DONSON: variants seen among roughly 807,000 people sequenced by gnomAD.
DONSON encodes the protein protein downstream neighbor of Son.
A neutral mutation model predicts 62.1 loss-of-function variants in DONSON; 43 were observed. The ratio of observed to expected loss-of-function variants is 0.69; its 90% CI spans 0.54 to 0.89. DONSON has a LOEUF of 0.89. Among genes scored for constraint, DONSON ranks in the 40% least tolerant of loss-of-function variants. DONSON has a pLI of 0.00. For missense variants in DONSON, 696 were observed against 697.5 expected (o/e 1.00, Z 0.03); for synonymous variants, 266 against 264.6 (o/e 1.01, Z -0.05).
At chr21:33,581,038 C>A in intron 8 of DONSON, 1 of 314,614 alleles carries the variant, frequency 3.2e-6, no homozygotes, top group Non-Finnish European at 6.0e-6. Flanking sequence ...GAGATCACGC[C>A]ACTGCACTCC....
chr21:33,578,456 TGTGTAC>T lies in DONSON; in HGVS notation c.1564-18_1564-13del. 1 of 1,610,300 alleles carries T rather than the reference TGTGTAC, an allele frequency of 6.2e-7. No homozygotes were observed. The highest frequency in any genetic ancestry group is 8.5e-7 in the Non-Finnish European group (1 of 1,178,024). On this transcript the variant is annotated splice_polypyrimidine_tract_variant and intron_variant, in intron 9 of 9. Coordinates refer to ENST00000303071, the MANE Select transcript of DONSON (RefSeq NM_017613.4). ...TTATGAACAACCTCCTGTGGAAATG[TGTGTAC>T]AAGTCAGTAAAAAGCACATTAGTCT...
intron 9 of DONSON, among the ~76,000 whole-genome samples, 196 bp from the exon 10 acceptor site, chr21:33,578,640 G>A (rs1029834362): frequency 3.3e-5 from 5 of 152,200 alleles, no homozygotes; most frequent in African/African-American, 1.2e-4. Flanking sequence ...CAACTGAGAT[G>A]CATGAGACAA....
Position 33,584,666 on chromosome 21 carries a change from C to T in DONSON, c.709G>A (p.Ala237Thr). 1.2e-6 allele frequency: 2 copies of T among 1,613,318 alleles called. No homozygotes were observed. Among genetic ancestry groups the T allele is most frequent in the East Asian group, 2.2e-5 (1 of 44,868 alleles). The change falls in exon 4 of 10, where the codon GCT (alanine) becomes ACT (threonine). Residue 237 changes from alanine (A) to threonine (T), a missense_variant. Ala to Thr is a moderately conservative substitution (Grantham distance 58). Coordinates refer to ENST00000303071, the MANE Select transcript of DONSON (RefSeq NM_017613.4). ...SWLPLFPRIG[A>T]DRKMAGKTSP... ...GTCTTTCCAGCCATTTTTCTATCAGCTCCAATACGAGGGAACAGTGGTAGC... is the reference window on the plus strand; with the variant it reads ...GTCTTTCCAGCCATTTTTCTATCAGTTCCAATACGAGGGAACAGTGGTAGC...
chr21:33,586,625 A>G (rs2086580267), intron 2 of DONSON, among the ~76,000 whole-genome samples: 2 of 152,046 alleles, frequency 1.3e-5, no homozygotes, highest in South Asian at 4.1e-4. Flanking sequence ...CGTTCTCCAC[A>G]ATACAAGAAT....
chr21:33,587,644 G>T (rs2086593405), intron 1 of DONSON, 42 bp from the exon 2 acceptor site: 5 of 1,411,236 alleles, frequency 3.5e-6, no homozygotes, highest in Non-Finnish European at 4.9e-6. Context: ...AAAGGATGCT[G>T]AAGTTTGCGT....
In DONSON at chr21:33,580,527, T is replaced by C. The variant is rs111441999; in HGVS notation, c.1350+775A>G. On this transcript the variant is annotated intron_variant, in intron 8 of 9. Transcript: ENST00000303071. ...AAAGCAGGGCATGGCAGTCCTGTGG[T>C]CCGATACTCGAGAGGCTGAGGCAGG... Among the ~76,000 whole-genome samples the C allele has an allele frequency of 6.6e-3, 769 of 116,066 alleles. 11 individuals carry two copies. Among genetic ancestry groups the C allele is most frequent in the African/African-American group, 0.025 (744 of 30,164 alleles). 76.1% of individuals were successfully genotyped at this position (116,066 alleles called of 152,430 possible).
intron 4 of DONSON, 112 bp from the exon 5 acceptor site, chr21:33,583,778 A>T (rs2086544838): frequency 1.1e-6 from 1 of 920,838 alleles, no homozygotes; most frequent in African/African-American, 1.7e-5. Flanking sequence ...AATATTTTAG[A>T]TAATGGTTTT....
chr21:33,581,295 T>C lies in DONSON; in HGVS notation c.1350+7A>G, dbSNP rs376502126. On this transcript the variant is annotated splice_region_variant and intron_variant, in intron 8 of 9. Coordinates refer to ENST00000303071, the MANE Select transcript of DONSON (RefSeq NM_017613.4). ...CTTAAAAGCTAGGTTATGCAGACTT[T>C]TATTACCTTAAGCATTTGCATTGTG... 6.2e-7 allele frequency: 1 copy of C among 1,613,536 alleles called. No individual in the cohort carries two copies. Among genetic ancestry groups the C allele is most frequent in the East Asian group, 2.2e-5 (1 of 44,878 alleles).
At position 33,577,976 on chromosome 21, in the gene DONSON, A is replaced by G. The variant is rs753730801; in HGVS notation, c.*331T>C. 2.1e-4 allele frequency: 38 copies of G among 177,986 alleles called. No homozygotes were observed. Among genetic ancestry groups the G allele is most frequent in the Non-Finnish European group, 3.2e-4 (27 of 85,504 alleles). 11.0% of individuals were successfully genotyped at this position (177,986 alleles called of 1,614,324 possible). ...GCTAACAGGTAAATCGTAAAGTAAC[A>G]TATTTTTGCCCTGATGCCATTAGTC... On this transcript the variant is annotated 3_prime_UTR_variant, in exon 10 of 10. Transcript: ENST00000303071.
At chr21:33,579,612 T>C (rs771694552) in intron 8 of DONSON, 50 bp from the exon 9 acceptor site, 35 of 1,499,554 alleles carry the variant, frequency 2.3e-5, no homozygotes, top group Non-Finnish European at 2.9e-5. Context: ...TCTCAACCTT[T>C]TGCCTAGCCA....
At chr21:33,585,744 T>C (rs1485953973) in intron 3 of DONSON, among the ~76,000 whole-genome samples, 1 of 151,850 alleles carries the variant, frequency 6.6e-6, no homozygotes, top group African/African-American at 2.4e-5. Flanking sequence ...GCAACACTGA[T>C]TAATTTGCAA....
chr21:33,588,636 G>T lies in DONSON; in HGVS notation c.6C>A (p.Ala2=). 8.1e-7 allele frequency: 1 copy of T among 1,234,740 alleles called. No individual in the cohort carries two copies. Among genetic ancestry groups the T allele is most frequent in the South Asian group, 3.6e-5 (1 of 27,804 alleles). The allele number at this position is 1,234,740 out of a possible 1,614,324, so 76.5% of individuals were successfully genotyped here. The stretch of plus-strand genomic sequence containing the variant: ...CCGGTGAGTAGCCGGGCACCGAAAG[G>T]GCCATGACGCGCGGCGGCTGAGGGT... M[A]LSVPGYSPGF... The change falls in exon 1 of 10, where the codon GCC becomes GCA. Residue 2 remains alanine, a synonymous_variant. Coordinates refer to ENST00000303071, the MANE Select transcript of DONSON (RefSeq NM_017613.4).
At chr21:33,584,014 TTATATATATATATA>T (rs57309977) in intron 4 of DONSON, among the ~76,000 whole-genome samples, 9 of 121,554 alleles carry the variant, frequency 7.4e-5, no homozygotes, top group South Asian at 5.2e-4. Flanking sequence ...GGCTGCGTGT[TTATATATATATATA>T]TATATATATA....
chr21:33,585,515 C>T (rs969374699), intron 3 of DONSON, among the ~76,000 whole-genome samples: 3 of 151,708 alleles, frequency 2.0e-5, no homozygotes, highest in African/African-American at 7.3e-5. Flanking sequence ...GCCCAGCCTC[C>T]TAGTTTTGAG....
chr21:33,581,892 C>G, intron 7 of DONSON, 59 bp downstream of exon 7: 1 of 1,483,716 alleles, frequency 6.7e-7, no homozygotes, highest in Non-Finnish European at 9.4e-7. Flanking sequence ...CAATGTTAAA[C>G]TTCTCACTAA....
intron 7 of DONSON, 34 bp downstream of exon 7, chr21:33,581,917 A>G (rs761176308): frequency 6.3e-7 from 1 of 1,584,672 alleles, no homozygotes; most frequent in Non-Finnish European, 8.7e-7. Flanking sequence ...ATTCAATGAA[A>G]ATTAATTCTA....
intron 1 of DONSON, among the ~76,000 whole-genome samples, chr21:33,587,840 A>G (rs1166961994): frequency 6.6e-6 from 1 of 152,204 alleles, no homozygotes. Context: ...GCTTTGGGTA[A>G]GACAGATGCT....
rs1443953501 is a variant in DONSON at position 33,588,568 on chromosome 21, CT to C, written c.73del (p.Arg25GlyfsTer15). ...GGCGGCAGCTCCACGGCTCCGGGCC[CT>C]TTTCCGTCGGAGCCGCACTACCTCG... ...PPEVVRLRRK[R>X]ARSRGAAASP... is the part of the protein sequence containing the mutation. On this transcript the variant is annotated frameshift_variant, in exon 1 of 10. Transcript: ENST00000303071. LOFTEE classifies it high-confidence loss of function. 4.8e-6 allele frequency: 6 copies of C among 1,254,358 alleles called. No individual in the cohort carries two copies. Among genetic ancestry groups the C allele is most frequent in the South Asian group, 3.0e-5 (1 of 33,546 alleles). The allele number at this position is 1,254,358 out of a possible 1,614,324, so 77.7% of individuals were successfully genotyped here.
chr21:33,580,382 C>T (rs1307657653), intron 8 of DONSON, among the ~76,000 whole-genome samples: 5 of 140,182 alleles, frequency 3.6e-5, no homozygotes, highest in African/African-American at 1.1e-4. Context: ...GGTGAAAACC[C>T]GTCTCTACAA....
Sources: gnomAD v4.1 joint callset for allele counts (sites outside exome capture counted in the v4.1 genomes callset) on GRCh38, gnomAD v4.1.1 for gene constraint, MANE v1.5 for transcripts, NCBI Gene and HGNC (gene_info 2026-07-23, HGNC 2026-07-21) for gene names.